The following DIRAS1 variants were observed in gnomAD, a reference collection of about 807,000 sequenced individuals.
DIRAS1 encodes DIRAS family GTPase 1, also known as GTP-binding protein Di-Ras1.
DIRAS1 carries 3 observed loss-of-function variants against 11.5 expected under a neutral mutation model. The observed-to-expected ratio is 0.26, with a 90% CI of 0.12 to 0.67. The LOEUF is 0.67. Among genes scored for constraint, DIRAS1 ranks in the 30% least tolerant of loss-of-function variants. The pLI is 0.80. For synonymous variants in DIRAS1, 128 were observed against 125.8 expected, an observed-to-expected ratio of 1.02 and a Z score of -0.12; for missense variants, 212 against 285.3, an observed-to-expected ratio of 0.74 and a Z score of 1.85.
chr19:2,721,114 C>A (rs1180571233), intron 1 of DIRAS1, among the ~76,000 whole-genome samples, 190 bp downstream of exon 1: 34 of 142,286 alleles, frequency 2.4e-4, no homozygotes, highest in Non-Finnish European at 4.2e-4. Flanking sequence ...CCAAGGTGAG[C>A]GCGGAGGGGC....
In DIRAS1 at chr19:2,717,396, C is replaced by T. The variant is rs1391183554; in HGVS notation, c.411G>A (p.Ala137=). Residue 137 remains alanine, a synonymous_variant, in exon 2 of 2, where the codon GCG becomes GCA. Coordinates refer to ENST00000323469, the MANE Select transcript of DIRAS1 (RefSeq NM_145173.4). ...AAGCGCACTTCCACTCCTGGGCCAC[C>T]GCCTGCGCCTCGCGCGTGTCCACCT... ...QREVDTREAQ[A]VAQEWKCAFM... is the part of the protein sequence containing the mutation. 5.0e-6 allele frequency: 8 copies of T among 1,607,686 alleles called. No homozygotes were observed. The highest frequency in any genetic ancestry group is 1.3e-5 in the African/African-American group (1 of 74,934).
In DIRAS1 at chr19:2,718,764, A is replaced by C. The variant is rs1202421641; in HGVS notation, c.-69-889T>G. Among the ~76,000 whole-genome samples the C allele has an allele frequency of 1.4e-5, 2 of 147,804 alleles. No individual in the cohort carries two copies. The highest frequency in any genetic ancestry group is 2.2e-4 in the South Asian group (1 of 4,632). Reference sequence around the variant, plus strand: ...GGTCTTGAACTCCTGACCTCAGGTGATCCACCCACCTCGGCCTCCCAAAGT... The same window carrying C: ...GGTCTTGAACTCCTGACCTCAGGTGCTCCACCCACCTCGGCCTCCCAAAGT... On this transcript the variant is annotated intron_variant, in intron 1 of 1. Coordinates refer to ENST00000323469, the MANE Select transcript of DIRAS1 (RefSeq NM_145173.4). This position sits in a 1 kb window ranked among gnomAD's most constrained non-coding sequence, Gnocchi z 4.2.
rs1913954388 is a variant in DIRAS1 at position 2,721,355 on chromosome 19, G to A, written c.-121C>T. 1 of 146,714 alleles carries A rather than the reference G, an allele frequency of 6.8e-6. No homozygotes were observed. The highest frequency in any genetic ancestry group is 1.5e-5 in the Non-Finnish European group (1 of 65,746). The allele number at this position is 146,714 out of a possible 1,614,324, so 9.1% of individuals were successfully genotyped here. Reference sequence around the variant, plus strand: ...GCGGCCGCTGCTCCTGCCCGCTCCGGTGTCCGCTGGCGCCGCCGCCCCCCG... The same window carrying A: ...GCGGCCGCTGCTCCTGCCCGCTCCGATGTCCGCTGGCGCCGCCGCCCCCCG... On this transcript the variant is annotated 5_prime_UTR_variant, in exon 1 of 2. Coordinates refer to ENST00000323469, the MANE Select transcript of DIRAS1 (RefSeq NM_145173.4).
In DIRAS1 at chr19:2,717,461, C is replaced by T. The variant is rs1568294824; in HGVS notation, c.346G>A (p.Val116Met). The change falls in exon 2 of 2, where the codon GTG becomes ATG. Residue 116 changes from valine to methionine, a missense_variant. Around this residue, in one of 2 missense-constraint regions of DIRAS1, gnomAD observed 128 missense variants for 205.3 expected, o/e 0.62. Coordinates refer to ENST00000323469, the MANE Select transcript of DIRAS1 (RefSeq NM_145173.4). ...QIKGSVEDIP[V>M]MLVGNKCDET... ...TCGCACTTGTTGCCCACGAGCATCA[C>T]GGGGATGTCCTCCACGCTGCCCTTG... 2 of 1,610,940 alleles carry T rather than the reference C, an allele frequency of 1.2e-6. No homozygotes were observed. Among genetic ancestry groups the T allele is most frequent in the Non-Finnish European group, 1.7e-6 (2 of 1,179,982 alleles).
At position 2,716,823 on chromosome 19, in the gene DIRAS1, G is replaced by A. The variant is rs1176767092; in HGVS notation, c.*387C>T. Reference sequence around the variant, plus strand: ...AGTGATCAAATGTGAGGGACAGGACGCGCAGGTCTGGCTGGGGACACCCCA... The same window carrying A: ...AGTGATCAAATGTGAGGGACAGGACACGCAGGTCTGGCTGGGGACACCCCA... On this transcript the variant is annotated 3_prime_UTR_variant, in exon 2 of 2. Transcript: ENST00000323469. The A allele has an allele frequency of 2.7e-5, 6 of 221,792 alleles. No individual in the cohort carries two copies. The highest frequency in any genetic ancestry group is 1.3e-4 in the South Asian group (1 of 7,852). The allele number at this position is 221,792 out of a possible 1,614,324, so 13.7% of individuals were successfully genotyped here. A position where few individuals can be genotyped will look rare whatever the true frequency, so the allele number is the denominator to read the frequency against.
intron 1 of DIRAS1, among the ~76,000 whole-genome samples, chr19:2,719,869 C>T (rs550430001): frequency 5.3e-4 from 81 of 152,324 alleles, no homozygotes; most frequent in African/African-American, 1.9e-3. Context: ...CAATTGTGAT[C>T]ACAGTCACAA....
At chr19:2,721,138 C>T (rs1013039495) in intron 1 of DIRAS1, among the ~76,000 whole-genome samples, 166 bp downstream of exon 1, 2 of 113,526 alleles carry the variant, frequency 1.8e-5, no homozygotes, top group Non-Finnish European at 3.2e-5. Context: ...CCGGGCCCGG[C>T]GGGAAGGGAC....
rs752915565 is a variant in DIRAS1, at chr19:2,717,295, C to T, written c.512G>A (p.Arg171Gln). 3 of 1,612,324 alleles carry T rather than the reference C, an allele frequency of 1.9e-6. No homozygotes were observed. The South Asian group carries it at 3.3e-5, about 18-fold the overall frequency. Residue 171 changes from arginine (R) to glutamine (Q), a missense_variant, in exon 2 of 2, where the codon CGG (arginine) becomes CAG (glutamine). Physicochemically the swap from Arg to Gln is conservative, Grantham distance 43. Around this residue, in one of 2 missense-constraint regions of DIRAS1, gnomAD observed 84 missense variants for 79.9 expected, o/e 1.05. Transcript: ENST00000323469. ...FQELLTLETR[R>Q]NMSLNIDGKR... Reference sequence around the variant, plus strand: ...GCCGTCGATGTTGAGGCTCATGTTCCGGCGCGTCTCCAGCGTCAGCAGCTC... The same window carrying T: ...GCCGTCGATGTTGAGGCTCATGTTCTGGCGCGTCTCCAGCGTCAGCAGCTC...
At position 2,717,811 on chromosome 19, in the gene DIRAS1, C is replaced by A; in HGVS notation, c.-5G>T. ...ATCGTTACTCTGTTCCGGCATCTTC[C>A]CCGCGGCGGGTGGGCGGCCGGGGCC... On this transcript the variant is annotated 5_prime_UTR_variant, in exon 2 of 2. Coordinates refer to ENST00000323469, the MANE Select transcript of DIRAS1 (RefSeq NM_145173.4). 1 of 1,586,664 alleles carries A rather than the reference C, an allele frequency of 6.3e-7. No homozygotes were observed. Among genetic ancestry groups the A allele is most frequent in the Non-Finnish European group, 8.5e-7 (1 of 1,170,142 alleles).
In DIRAS1 at chr19:2,721,349, G is replaced by T. The variant is rs1284084347; in HGVS notation, c.-115C>A. 1.4e-5 allele frequency: 2 copies of T among 145,842 alleles called. No homozygotes were observed. Among genetic ancestry groups the T allele is most frequent in the African/African-American group, 5.0e-5 (2 of 40,356 alleles). The allele number at this position is 145,842 out of a possible 1,614,324, so 9.0% of individuals were successfully genotyped here. A position where few individuals can be genotyped will look rare whatever the true frequency, so the allele number is the denominator to read the frequency against. ...GGCGCCGCGGCCGCTGCTCCTGCCC[G>T]CTCCGGTGTCCGCTGGCGCCGCCGC... is the stretch of plus-strand genomic sequence containing the variant. On this transcript the variant is annotated 5_prime_UTR_variant, in exon 1 of 2. Transcript: ENST00000323469.
rs962692625 is a variant in DIRAS1 at position 2,718,600 on chromosome 19, G to A, written c.-69-725C>T. Among the ~76,000 whole-genome samples the A allele has an allele frequency of 7.9e-5, 12 of 152,084 alleles. No individual in the cohort carries two copies. Among genetic ancestry groups the A allele is most frequent in the Admixed American group, 5.9e-4 (9 of 15,264 alleles). On this transcript the variant is annotated intron_variant, in intron 1 of 1. Coordinates refer to ENST00000323469, the MANE Select transcript of DIRAS1 (RefSeq NM_145173.4). This position sits in a 1 kb window ranked among gnomAD's most constrained non-coding sequence, Gnocchi z 4.2. ...GAGTGCAATGGCACAATCTTGGCTC[G>A]CCGCAACCTCCACCTCCCGGGTTCA...
Position 2,718,121 on chromosome 19 carries a change from C to T in DIRAS1, c.-69-246G>A, listed in dbSNP as rs888430086. On this transcript the variant is annotated intron_variant, in intron 1 of 1. Coordinates refer to ENST00000323469, the MANE Select transcript of DIRAS1 (RefSeq NM_145173.4). The surrounding 1 kb of genome is among the most constrained non-coding windows in gnomAD (Gnocchi z 4.2). ...GGGGCCTGAGCTTCCCCGGGGGACG[C>T]TGAGCTAGGAGAGGCGTGGGAGACG... 2.6e-5 allele frequency among the ~76,000 whole-genome samples: 4 copies of T among 152,246 alleles called. No individual in the cohort carries two copies. The highest frequency in any genetic ancestry group is 6.5e-5 in the Admixed American group (1 of 15,286).
rs1913852235 is a variant in DIRAS1, at chr19:2,717,545, C to G, written c.262G>C (p.Val88Leu). The change falls in exon 2 of 2, where the codon GTC becomes CTC. Residue 88 changes from valine (V) to leucine (L), a missense_variant. Val to Leu is a conservative substitution (Grantham distance 32). Coordinates refer to ENST00000323469, the MANE Select transcript of DIRAS1 (RefSeq NM_145173.4). ...KGHAFILVFSVTSKQSLEELG... is the reference protein window; with the variant it reads ...KGHAFILVFSLTSKQSLEELG... ...TCCTCCAGCGACTGCTTGCTGGTGA[C>G]GGAGAACACCAGGATGAAGGCGTGG... 3 of 1,613,162 alleles carry G rather than the reference C, an allele frequency of 1.9e-6. No homozygotes were observed. Among genetic ancestry groups the G allele is most frequent in the South Asian group, 1.1e-5 (1 of 91,076 alleles).
Position 2,717,758 on chromosome 19 carries a change from C to T in DIRAS1, c.49G>A (p.Gly17Ser), listed in dbSNP as rs752110865. ...AGCACCAGCGAGCTCTTGCCCACGCCGCCCGCCCCGAACACCACCACGCGG... is the reference window on the plus strand; with the variant it reads ...AGCACCAGCGAGCTCTTGCCCACGCTGCCCGCCCCGAACACCACCACGCGG... Reference protein sequence around the residue: ...DYRVVVFGAGGVGKSSLVLRF... With the variant: ...DYRVVVFGAGSVGKSSLVLRF... Residue 17 changes from glycine (G) to serine (S), a missense_variant, in exon 2 of 2, where the codon GGC (glycine) becomes AGC (serine). Gly to Ser is a moderately conservative substitution (Grantham distance 56). Coordinates refer to ENST00000323469, the MANE Select transcript of DIRAS1 (RefSeq NM_145173.4). The T allele has an allele frequency of 2.5e-6, 4 of 1,602,634 alleles. No individual in the cohort carries two copies. Among genetic ancestry groups the T allele is most frequent in the Non-Finnish European group, 2.5e-6 (3 of 1,179,826 alleles).
chr19:2,715,630 A>G lies in DIRAS1; in HGVS notation c.*1580T>C, dbSNP rs779603306. On this transcript the variant is annotated 3_prime_UTR_variant, in exon 2 of 2. Coordinates refer to ENST00000323469, the MANE Select transcript of DIRAS1 (RefSeq NM_145173.4). ...CAACCTGCACCCAGGCTCTTGACCC[A>G]CAGAATCTATGAGATAATAAGCATG... 1 of 152,208 alleles carries G rather than the reference A, an allele frequency of 6.6e-6. No individual in the cohort carries two copies. Among genetic ancestry groups the G allele is most frequent in the Non-Finnish European group, 1.5e-5 (1 of 68,038 alleles). 9.4% of individuals were successfully genotyped at this position (152,208 alleles called of 1,614,324 possible).
chr19:2,716,965 G>T lies in DIRAS1; in HGVS notation c.*245C>A. ...TCTGCAGGACAAGGGGGCCACCTCC[G>T]GCTCTTGGTTTTGGAGGGTACAGAC... On this transcript the variant is annotated 3_prime_UTR_variant, in exon 2 of 2. Coordinates refer to ENST00000323469, the MANE Select transcript of DIRAS1 (RefSeq NM_145173.4). The T allele has an allele frequency of 2.1e-6, 1 of 474,342 alleles. No individual in the cohort carries two copies. Among genetic ancestry groups the T allele is most frequent in the Non-Finnish European group, 3.7e-6 (1 of 270,060 alleles). The allele number at this position is 474,342 out of a possible 1,614,324, so 29.4% of individuals were successfully genotyped here. A position where few individuals can be genotyped will look rare whatever the true frequency, so the allele number is the denominator to read the frequency against.
rs1309647472 is a variant in DIRAS1 at position 2,715,338 on chromosome 19, C to T, written c.*1872G>A. The T allele has an allele frequency of 5.9e-5, 9 of 152,266 alleles. No homozygotes were observed. The highest frequency in any genetic ancestry group is 1.0e-4 in the Non-Finnish European group (7 of 68,106). The allele number at this position is 152,266 out of a possible 1,614,324, so 9.4% of individuals were successfully genotyped here. ...TCACACCCAATAAGACCAAAACCTC[C>T]ATCTCACCTTCCCTCACTAACTTAG... On this transcript the variant is annotated 3_prime_UTR_variant, in exon 2 of 2. Coordinates refer to ENST00000323469, the MANE Select transcript of DIRAS1 (RefSeq NM_145173.4).
At position 2,717,079 on chromosome 19, in the gene DIRAS1, G is replaced by T; in HGVS notation, c.*131C>A. 2 of 974,242 alleles carry T rather than the reference G, an allele frequency of 2.1e-6. No individual in the cohort carries two copies. The highest frequency in any genetic ancestry group is 2.6e-5 in the East Asian group (1 of 38,858). 60.3% of individuals were successfully genotyped at this position (974,242 alleles called of 1,614,324 possible). Reference sequence around the variant, plus strand: ...CAGGGGCAGCGGAGGGGGGGGCGGTGGCCTCGGTTTCCCCAGCCGAGGTGT... The same window carrying T: ...CAGGGGCAGCGGAGGGGGGGGCGGTTGCCTCGGTTTCCCCAGCCGAGGTGT... On this transcript the variant is annotated 3_prime_UTR_variant, in exon 2 of 2. Transcript: ENST00000323469.
chr19:2,719,509 G>A (rs951430496), intron 1 of DIRAS1, among the ~76,000 whole-genome samples: 1 of 151,224 alleles, frequency 6.6e-6, no homozygotes, highest in Non-Finnish European at 1.5e-5. Flanking sequence ...AAGAACGCTG[G>A]GGGGAGGGCG....
Sources: allele counts gnomAD v4.1 joint callset (sites outside exome capture counted in the v4.1 genomes callset), GRCh38; gene constraint gnomAD v4.1.1; regional missense constraint gnomAD v4.1.1; non-coding constraint Gnocchi (gnomAD v3.1); transcripts MANE v1.5; gene names NCBI Gene and HGNC (gene_info 2026-07-23, HGNC 2026-07-21).